The following ADGRA1 variants were observed in gnomAD, a reference collection of about 807,000 sequenced individuals.
ADGRA1 encodes the protein adhesion G protein-coupled receptor A1.
In ADGRA1, 12 loss-of-function variants were observed where a neutral mutation model predicts 21.3. The ratio of observed to expected loss-of-function variants is 0.56; its 90% CI spans 0.36 to 0.91. ADGRA1 has a LOEUF of 0.91. ADGRA1 is among the 40% of genes least tolerant of loss of function. The pLI is 0.01. For missense variants in ADGRA1, 790 were observed against 805.6 expected (o/e 0.98, Z 0.23); for synonymous variants, 385 against 368.8 (o/e 1.04, Z -0.50).
intron 2 of ADGRA1, among the ~76,000 whole-genome samples, chr10:133,096,521 C>T (rs1358092691): frequency 6.6e-6 from 1 of 152,256 alleles, no homozygotes; most frequent in African/African-American, 2.4e-5. Context: ...AAGATGTTGA[C>T]AAGCAGGGTT....
intron 5 of ADGRA1, among the ~76,000 whole-genome samples, chr10:133,109,181 C>G (rs1430770281): frequency 6.6e-6 from 1 of 151,964 alleles, no homozygotes; most frequent in Non-Finnish European, 1.5e-5. Flanking sequence ...TGTCTGGGTG[C>G]TAGACATTTT....
chr10:133,121,682 ATG>A (rs1484419029), intron 5 of ADGRA1, among the ~76,000 whole-genome samples: 2 of 104,902 alleles, frequency 1.9e-5, no homozygotes, highest in Admixed American at 1.0e-4. Context: ...GCATGTGTGC[ATG>A]TGAGTGCCTG....
intron 5 of ADGRA1, among the ~76,000 whole-genome samples, chr10:133,106,482 G>A (rs1395168613): frequency 6.6e-6 from 1 of 152,230 alleles, no homozygotes; most frequent in African/African-American, 2.4e-5. Context: ...TTCAGCCCCT[G>A]CTGTGCCAGG....
rs572540328 is a variant in ADGRA1, at chr10:133,090,879, G to A, written c.3+1967G>A. The stretch of plus-strand genomic sequence containing the variant: ...TGAGCTGCTGTCCAGCAGCTTGGCT[G>A]GGCCAGGCCGTCCTCTCAAAAGGCT... On this transcript the variant is annotated intron_variant, in intron 2 of 6. Transcript: ENST00000392607. Among the ~76,000 whole-genome samples, 6 of 152,334 alleles carry A rather than the reference G, an allele frequency of 3.9e-5. No homozygotes were observed. The South Asian group carries it at 1.2e-3, about 32-fold the overall frequency.
chr10:133,129,178 C>G lies in ADGRA1; in HGVS notation c.1350C>G (p.Ser450Arg), dbSNP rs1199748127. The part of the protein sequence containing the change: ...IPSSLDGSPR[S>R]SRTDSPPSSL... ...CCAGCCTGGATGGCAGCCCCCGCAG[C>G]TCGCGCACAGACAGCCCCCCCAGCT... The change falls in exon 7 of 7, where the codon AGC becomes AGG. Residue 450 changes from serine to arginine, a missense_variant. Ser to Arg is a moderately radical substitution (Grantham distance 110). Transcript: ENST00000392607. 1.0e-5 allele frequency: 16 copies of G among 1,550,916 alleles called. No individual in the cohort carries two copies. The highest frequency in any genetic ancestry group is 1.4e-5 in the Non-Finnish European group (16 of 1,147,290).
chr10:133,107,806 G>A (rs192360037), intron 5 of ADGRA1, among the ~76,000 whole-genome samples: 2 of 152,244 alleles, frequency 1.3e-5, no homozygotes, highest in Admixed American at 6.5e-5. Context: ...AGATAGTCAG[G>A]GAAAAAACCA....
intron 3 of ADGRA1, 28 bp from the exon 4 acceptor site, chr10:133,098,612 T>C (rs774590591): frequency 5.6e-6 from 9 of 1,598,558 alleles, no homozygotes; most frequent in East Asian, 2.2e-5. Context: ...CCTCTGCTCA[T>C]GTGAAACCCT....
In ADGRA1 at chr10:133,128,657, G is replaced by C; in HGVS notation, c.829G>C (p.Val277Leu). ...CACGTGGGCCTTCGGGGCGCTGGCG[G>C]TGTCACAGGGCCACTTCCTGGACAT... ...TATWAFGALA[V>L]SQGHFLDMVF... Residue 277 changes from valine to leucine, a missense_variant, in exon 7 of 7, where the codon GTG (valine) becomes CTG (leucine). By Grantham distance (32) the Val-to-Leu change is conservative. Transcript: ENST00000392607. The C allele has an allele frequency of 1.2e-6, 2 of 1,609,712 alleles. No individual in the cohort carries two copies. Among genetic ancestry groups the C allele is most frequent in the Non-Finnish European group, 1.7e-6 (2 of 1,179,134 alleles).
chr10:133,112,793 G>T (rs1852079220), intron 5 of ADGRA1, among the ~76,000 whole-genome samples: 1 of 140,834 alleles, frequency 7.1e-6, no homozygotes, highest in South Asian at 2.3e-4. Flanking sequence ...GTTATTTGGG[G>T]TCTGCGGGCC....
chr10:133,097,127 C>T lies in ADGRA1; in HGVS notation c.131+26C>T, dbSNP rs779420629. The T allele has an allele frequency of 7.5e-6, 12 of 1,600,830 alleles. No individual in the cohort carries two copies. The South Asian group carries it at 1.2e-4, about 16-fold the overall frequency. On this transcript the variant is annotated intron_variant, in intron 3 of 6. Transcript: ENST00000392607. ...GTGAGCCTGGCATGGGCAAGGGCGC[C>T]CCCTGTGCCCAAGAAACCTGCTTTT...
Position 133,097,092 on chromosome 10 carries a change from T to C in ADGRA1, c.122T>C (p.Val41Ala), listed in dbSNP as rs1483542507. ...CLLASFVTYI[V>A]HQSAIRISRK... Reference sequence around the variant, plus strand: ...CTGGCCTCCTTCGTCACCTACATCGTGCACCAGAGGTGAGCCTGGCATGGG... The same window carrying C: ...CTGGCCTCCTTCGTCACCTACATCGCGCACCAGAGGTGAGCCTGGCATGGG... Residue 41 changes from valine to alanine, a missense_variant, in exon 3 of 7, where the codon GTG becomes GCG. By Grantham distance (64) the Val-to-Ala change is moderately conservative. Around this residue, in one of 3 missense-constraint regions of ADGRA1, gnomAD observed 382 missense variants for 415.6 expected, o/e 0.92. Transcript: ENST00000392607. 6.2e-7 allele frequency: 1 copy of C among 1,605,706 alleles called. No homozygotes were observed. The highest frequency in any genetic ancestry group is 8.5e-7 in the Non-Finnish European group (1 of 1,179,966).
intron 5 of ADGRA1, among the ~76,000 whole-genome samples, chr10:133,112,571 T>C (rs1285776341): frequency 8.9e-6 from 1 of 112,906 alleles, no homozygotes; most frequent in Non-Finnish European, 1.9e-5. Flanking sequence ...GCATCGGTTA[T>C]TTGAGGTCTG....
chr10:133,114,953 C>T (rs551692454), intron 5 of ADGRA1, among the ~76,000 whole-genome samples: 5 of 152,344 alleles, frequency 3.3e-5, no homozygotes, highest in African/African-American at 4.8e-5. Context: ...TGGAATCCAC[C>T]GTCTTTCCTG....
intron 5 of ADGRA1, among the ~76,000 whole-genome samples, chr10:133,125,238 C>T (rs1457255187): frequency 6.6e-6 from 1 of 152,146 alleles, no homozygotes; most frequent in Admixed American, 6.5e-5. Context: ...GCCTTTGGAT[C>T]GGAGCTTTTA....
chr10:133,114,668 T>C (rs1047594848), intron 5 of ADGRA1, among the ~76,000 whole-genome samples: 1 of 152,198 alleles, frequency 6.6e-6, no homozygotes, highest in African/African-American at 2.4e-5. Context: ...TAAATAGCTC[T>C]TGGATCCTAG....
At chr10:133,111,258 CACA>C (rs1564849011) in intron 5 of ADGRA1, among the ~76,000 whole-genome samples, 21 of 100,494 alleles carry the variant, frequency 2.1e-4, no homozygotes, top group Non-Finnish European at 3.3e-4. Flanking sequence ...ACCTGCCCAC[CACA>C]GGCACCTCCC....
intron 2 of ADGRA1, among the ~76,000 whole-genome samples, chr10:133,093,472 C>G (rs544496052): frequency 6.6e-6 from 1 of 152,366 alleles, no homozygotes; most frequent in South Asian, 2.1e-4. Context: ...CCCACGCACG[C>G]CGGGCTCACA....
At chr10:133,114,131 C>A (rs1852112654) in intron 5 of ADGRA1, among the ~76,000 whole-genome samples, 1 of 152,230 alleles carries the variant, frequency 6.6e-6, no homozygotes, top group African/African-American at 2.4e-5. Context: ...CCCTTCTCCA[C>A]CCCTGGGAAC....
At chr10:133,128,017 C>G (rs1852415403) in intron 6 of ADGRA1, among the ~76,000 whole-genome samples, 3 of 97,512 alleles carry the variant, frequency 3.1e-5, no homozygotes, top group African/African-American at 8.6e-5. Flanking sequence ...CACACCAGCC[C>G]CACCCACCCA....
Sources: gnomAD v4.1 joint callset for allele counts (sites outside exome capture counted in the v4.1 genomes callset) on GRCh38, gnomAD v4.1.1 for gene constraint, gnomAD v4.1.1 regional missense constraint, MANE v1.5 for transcripts, NCBI Gene and HGNC (gene_info 2026-07-23, HGNC 2026-07-21) for gene names.